RAPH1: variants seen among roughly 807,000 people sequenced by gnomAD.
RAPH1 encodes Ras association (RalGDS/AF-6) and pleckstrin homology domains 1, also known as ras-associated and pleckstrin homology domains-containing protein 1.
Under a neutral mutation model 88.1 loss-of-function variants are expected in RAPH1, and 18 were observed. That is an observed-to-expected ratio of 0.20 (90% CI 0.14 to 0.30). RAPH1 has a LOEUF of 0.30. Among genes scored for constraint, RAPH1 ranks in the 10% least tolerant of loss-of-function variants. The probability of loss-of-function intolerance (pLI) is 1.00; values close to 1 mark genes in which losing one functional copy is unlikely to be tolerated. For missense variants in RAPH1, 1,448 were observed against 1,543.2 expected, an observed-to-expected ratio of 0.94 and a Z score of 1.03; for synonymous variants, 587 against 559.0, an observed-to-expected ratio of 1.05 and a Z score of -0.71.
At chr2:203,501,513 T>C (rs560972065) in intron 1 of RAPH1, among the ~76,000 whole-genome samples, 22 of 152,288 alleles carry the variant, frequency 1.4e-4, no homozygotes, top group African/African-American at 5.3e-4. Context: ...ACGCCAGTAA[T>C]CCTAGCAACT....
rs756671709 is a variant in RAPH1, at chr2:203,439,839, C to A, written c.3351G>T (p.Lys1117Asn). ...TGGGTCGTGTGGGTGGAGGGGCCTT[C>A]TTCACTGACATTTTAGACCATTGTT... is the stretch of plus-strand genomic sequence containing the variant. ...QPQQWSKMSVKKAPPPTRPKR... is the reference protein window; with the variant it reads ...QPQQWSKMSVNKAPPPTRPKR... Residue 1117 changes from lysine (K) to asparagine (N), a missense_variant, in exon 14 of 14, where the codon AAG (lysine) becomes AAT (asparagine). Lys to Asn is a moderately conservative substitution (Grantham distance 94). Transcript: ENST00000319170. The A allele has an allele frequency of 2.2e-5, 36 of 1,613,774 alleles. No individual in the cohort carries two copies. Among genetic ancestry groups the A allele is most frequent in the Admixed American group, 5.0e-5 (3 of 59,988 alleles).
chr2:203,437,383 C>T lies in RAPH1; in HGVS notation c.*2054G>A, dbSNP rs2098499349. 2 of 152,112 alleles carry T rather than the reference C, an allele frequency of 1.3e-5. No homozygotes were observed. The highest frequency in any genetic ancestry group is 2.9e-5 in the Non-Finnish European group (2 of 68,014). 9.4% of individuals were successfully genotyped at this position (152,112 alleles called of 1,614,324 possible). On this transcript the variant is annotated 3_prime_UTR_variant, in exon 14 of 14. Transcript: ENST00000319170. ...ACTCTAACCCACAAATATGGGTGCC[C>T]CTCAAACTATAAAACTGCAGGCAGA...
intron 4 of RAPH1, among the ~76,000 whole-genome samples, chr2:203,486,710 C>T (rs1279462604): frequency 2.0e-5 from 3 of 152,188 alleles, no homozygotes; most frequent in Admixed American, 6.5e-5. Flanking sequence ...TGTATTTGCA[C>T]TTAAAGACAA....
Position 203,495,287 on chromosome 2 carries a change from C to G in RAPH1, c.67G>C (p.Asp23His). The G allele has an allele frequency of 1.2e-6, 2 of 1,614,092 alleles. No homozygotes were observed. The highest frequency in any genetic ancestry group is 1.7e-6 in the Non-Finnish European group (2 of 1,180,006). Reference protein sequence around the residue: ...AEEDSDKEDQDLDKMFGAWLG... With the variant: ...AEEDSDKEDQHLDKMFGAWLG... ...CAGGCTCCAAACATTTTGTCCAGGTCCTGATCTTCCTTGTCACTGTCTTCT... is the reference window on the plus strand; with the variant it reads ...CAGGCTCCAAACATTTTGTCCAGGTGCTGATCTTCCTTGTCACTGTCTTCT... The change falls in exon 2 of 14, where the codon GAC becomes CAC. Residue 23 changes from aspartate to histidine, a missense_variant. Asp to His is a moderately conservative substitution (Grantham distance 81, BLOSUM62 -1). Around this residue, in one of 2 missense-constraint regions of RAPH1, gnomAD observed 513 missense variants for 653.1 expected, o/e 0.79. Transcript: ENST00000319170.
intron 1 of RAPH1, among the ~76,000 whole-genome samples, chr2:203,527,513 T>C (rs1048452072): frequency 1.3e-5 from 2 of 152,014 alleles, no homozygotes; most frequent in Admixed American, 6.6e-5. Flanking sequence ...AAAAACGTTT[T>C]ATGTGCTGGC....
chr2:203,454,634 C>T (rs2098517760), intron 9 of RAPH1, 94 bp from the exon 10 acceptor site: 1 of 812,686 alleles, frequency 1.2e-6, no homozygotes, highest in Non-Finnish European at 2.0e-6. Flanking sequence ...ATCAAAACTA[C>T]TTTTGCTAAT....
Position 203,441,288 on chromosome 2 carries a change from TG to T in RAPH1, c.1901del (p.Pro634HisfsTer37). 2 of 268,922 alleles carry T rather than the reference TG, an allele frequency of 7.4e-6. No individual in the cohort carries two copies. The highest frequency in any genetic ancestry group is 1.0e-5 in the Non-Finnish European group (2 of 196,096). 16.7% of individuals were successfully genotyped at this position (268,922 alleles called of 1,614,324 possible). A position where few individuals can be genotyped will look rare whatever the true frequency, so the allele number is the denominator to read the frequency against. On this transcript the variant is annotated frameshift_variant, in exon 14 of 14. Coordinates refer to ENST00000319170, the MANE Select transcript of RAPH1 (RefSeq NM_213589.3). LOFTEE classifies it low-confidence loss of function (END_TRUNC). Reference protein sequence around the residue: ...PSPPLPPPPPPPPPPPPPPPP... With the variant: ...PSPPLPPPPPXPPPPPPPPPP... Reference sequence around the variant, plus strand: ...GTGGAGGGGGTGGTGGAGGAGGAGGTGGGGGTGGCGGAGGAGGTAGAGGTGG... The same window carrying T: ...GTGGAGGGGGTGGTGGAGGAGGAGGTGGGGTGGCGGAGGAGGTAGAGGTGG...
intron 10 of RAPH1, among the ~76,000 whole-genome samples, chr2:203,452,740 T>C (rs2098515935): frequency 6.6e-6 from 1 of 152,110 alleles, no homozygotes; most frequent in Non-Finnish European, 1.5e-5. Flanking sequence ...GGCAGGCGGA[T>C]CACTTGAGGC....
intron 4 of RAPH1, among the ~76,000 whole-genome samples, chr2:203,486,649 C>G (rs760884718): frequency 6.6e-6 from 1 of 152,192 alleles, no homozygotes; most frequent in Non-Finnish European, 1.5e-5. Flanking sequence ...CGTAACATAT[C>G]TCATAGAACT....
intron 1 of RAPH1, among the ~76,000 whole-genome samples, chr2:203,515,374 T>C (rs542307398): frequency 3.3e-5 from 5 of 152,326 alleles, no homozygotes; most frequent in Non-Finnish European, 5.9e-5. Flanking sequence ...TCTTGCCACA[T>C]TGGCTAGAAC....
chr2:203,518,530 A>AC (rs1689718082), intron 1 of RAPH1, among the ~76,000 whole-genome samples: 1 of 93,046 alleles, frequency 1.1e-5, no homozygotes, highest in Admixed American at 1.2e-4. Flanking sequence ...AACAAAAAAA[A>AC]CAAAAAAACA....
At position 203,436,908 on chromosome 2, in the gene RAPH1, G is replaced by GT. The variant is rs2098498960; in HGVS notation, c.*2528dup. 1 of 152,202 alleles carries GT rather than the reference G, an allele frequency of 6.6e-6. No individual in the cohort carries two copies. The highest frequency in any genetic ancestry group is 1.5e-5 in the Non-Finnish European group (1 of 68,032). 9.4% of individuals were successfully genotyped at this position (152,202 alleles called of 1,614,324 possible). ...AGAAGTATAAAGTATCACTTTAGTG[G>GT]TTTTTTAAATTCAGTTCATACATGA... On this transcript the variant is annotated 3_prime_UTR_variant, in exon 14 of 14. Coordinates refer to ENST00000319170, the MANE Select transcript of RAPH1 (RefSeq NM_213589.3).
At chr2:203,463,744 A>AT (rs200185953) in intron 4 of RAPH1, among the ~76,000 whole-genome samples, 1 of 152,196 alleles carries the variant, frequency 6.6e-6, no homozygotes, top group African/African-American at 2.4e-5. Context: ...AAATCATCCT[A>AT]TTTTTTTAAA....
intron 2 of RAPH1, 55 bp downstream of exon 2, chr2:203,495,179 C>G (rs564907353): frequency 6.2e-7 from 1 of 1,605,844 alleles, no homozygotes; most frequent in Non-Finnish European, 8.5e-7. Flanking sequence ...GCACATTAAA[C>G]TTTTAACACA....
At chr2:203,465,624 A>G (rs1278212589) in intron 4 of RAPH1, among the ~76,000 whole-genome samples, 1 of 152,242 alleles carries the variant, frequency 6.6e-6, no homozygotes, top group Non-Finnish European at 1.5e-5. Flanking sequence ...ATGGTGGCCC[A>G]TGCCTGTAAT....
At chr2:203,517,279 G>A (rs974803509) in intron 1 of RAPH1, among the ~76,000 whole-genome samples, 1 of 132,604 alleles carries the variant, frequency 7.5e-6, no homozygotes, top group Non-Finnish European at 1.5e-5. Flanking sequence ...ATTACATAAT[G>A]ATAAAGGGTC....
At chr2:203,466,243 T>C (rs2098528345) in intron 4 of RAPH1, among the ~76,000 whole-genome samples, 1 of 152,150 alleles carries the variant, frequency 6.6e-6, no homozygotes, top group African/African-American at 2.4e-5. Flanking sequence ...CTGAGTATCA[T>C]CCCTGGAACA....
Position 203,453,291 on chromosome 2 carries a change from T to C in RAPH1, c.1413+1139A>G, listed in dbSNP as rs370277542. 3.2e-4 allele frequency among the ~76,000 whole-genome samples: 48 copies of C among 152,230 alleles called. 1 individual carries two copies. Among genetic ancestry groups the C allele is most frequent in the Middle Eastern group, 3.4e-3 (1 of 294 alleles). On this transcript the variant is annotated intron_variant, in intron 10 of 13. Transcript: ENST00000319170. ...CCAGGAGCAGTGGCTCTGCCTGTAA[T>C]CCTAGCACTCTGGGAAGCCTAGGCA...
At chr2:203,475,814 A>G (rs1687400850) in intron 4 of RAPH1, among the ~76,000 whole-genome samples, 1 of 151,222 alleles carries the variant, frequency 6.6e-6, no homozygotes, top group Admixed American at 6.6e-5. Flanking sequence ...GATTATAGGT[A>G]GGTGTAAGGT....
Sources: allele counts gnomAD v4.1 joint callset (sites outside exome capture counted in the v4.1 genomes callset), GRCh38; gene constraint gnomAD v4.1.1; regional missense constraint gnomAD v4.1.1; transcripts MANE v1.5; gene names NCBI Gene and HGNC (gene_info 2026-07-23, HGNC 2026-07-21).